Variants in UNC5C observed in about 807,000 individuals in gnomAD.
UNC5C encodes the protein netrin receptor UNC5C.
UNC5C carries 47 observed loss-of-function variants against 99.8 expected under a neutral mutation model. That is an observed-to-expected ratio of 0.47 (90% CI 0.37 to 0.60). The LOEUF (loss-of-function observed/expected upper bound fraction) is 0.60. Among genes scored for constraint, UNC5C ranks in the 20% least tolerant of loss-of-function variants. The probability of loss-of-function intolerance (pLI) is 0.00; values close to 1 mark genes in which losing one functional copy is unlikely to be tolerated. For missense variants in UNC5C, 1,062 were observed against 1,165.9 expected (o/e 0.91, Z 1.30); for synonymous variants, 487 against 452.2 (o/e 1.08, Z -0.98).
intron 13 of UNC5C, among the ~76,000 whole-genome samples, chr4:95,183,946 G>A (rs908302334): frequency 1.3e-5 from 2 of 152,062 alleles, no homozygotes; most frequent in Non-Finnish European, 2.9e-5. Flanking sequence ...TCCAGCAGAT[G>A]GTAAGCATTC....
intron 1 of UNC5C, among the ~76,000 whole-genome samples, chr4:95,466,996 C>G (rs78656424): frequency 0.018 from 2,803 of 152,098 alleles, 88 homozygotes; most frequent in African/African-American, 0.064. Context: ...ATCATTTGCT[C>G]CATGGAAGCC....
At chr4:95,387,379 A>G (rs899781126) in intron 1 of UNC5C, among the ~76,000 whole-genome samples, 1 of 152,108 alleles carries the variant, frequency 6.6e-6, no homozygotes, top group South Asian at 2.1e-4. Flanking sequence ...AGCTCAAGCT[A>G]TCTTCTCTCC....
intron 1 of UNC5C, among the ~76,000 whole-genome samples, chr4:95,435,768 G>A (rs1013214443): frequency 2.6e-5 from 4 of 151,948 alleles, no homozygotes; most frequent in Non-Finnish European, 5.9e-5. Context: ...AGCAAACTTA[G>A]GTCTCTTTCA....
chr4:95,292,777 A>G (rs6831808), intron 3 of UNC5C, among the ~76,000 whole-genome samples: 105,365 of 152,058 alleles, frequency 0.69, 36,727 homozygotes, highest in East Asian at 0.81. Flanking sequence ...TAGTATCTTC[A>G]CTTTTCCCCA....
At chr4:95,429,253 T>C (rs13130613) in intron 1 of UNC5C, among the ~76,000 whole-genome samples, 43,803 of 148,122 alleles carry the variant, frequency 0.3, 6,701 homozygotes, top group Middle Eastern at 0.36. Context: ...TTTCAGATCT[T>C]CCCTTTAAAT....
At chr4:95,261,629 T>C (rs771332554) in intron 4 of UNC5C, among the ~76,000 whole-genome samples, 1 of 152,054 alleles carries the variant, frequency 6.6e-6, no homozygotes, top group African/African-American at 2.4e-5. Context: ...TCCAGCACTA[T>C]GCAAAAATTT....
intron 1 of UNC5C, among the ~76,000 whole-genome samples, chr4:95,512,525 C>T (rs1722102852): frequency 1.3e-5 from 2 of 152,136 alleles, no homozygotes; most frequent in Non-Finnish European, 1.5e-5. Flanking sequence ...GAGGCCTTCA[C>T]CTTTCATTCT....
intron 2 of UNC5C, among the ~76,000 whole-genome samples, chr4:95,307,215 A>G (rs755346138): frequency 2.6e-5 from 4 of 152,104 alleles, no homozygotes; most frequent in Non-Finnish European, 5.9e-5. Flanking sequence ...CATTGTATAC[A>G]CAAAATTTAC....
chr4:95,423,494 A>G (rs927745811), intron 1 of UNC5C, among the ~76,000 whole-genome samples: 1 of 152,236 alleles, frequency 6.6e-6, no homozygotes, highest in Non-Finnish European at 1.5e-5. Context: ...GGATCACTAC[A>G]AGATCTGAAA....
chr4:95,199,173 C>T (rs1213387134), intron 12 of UNC5C, among the ~76,000 whole-genome samples: 2 of 152,004 alleles, frequency 1.3e-5, no homozygotes, highest in African/African-American at 4.8e-5. Flanking sequence ...TTCTGGGCAA[C>T]AGTGGTTAGA....
chr4:95,172,963 G>T (rs944312485), intron 14 of UNC5C, among the ~76,000 whole-genome samples: 134 of 151,096 alleles, frequency 8.9e-4, no homozygotes, highest in African/African-American at 3.0e-3. Context: ...CATGTCCCTC[G>T]TAAGTTGGAT....
chr4:95,357,289 A>G (rs1335593957), intron 1 of UNC5C, among the ~76,000 whole-genome samples: 2 of 151,954 alleles, frequency 1.3e-5, no homozygotes, highest in Admixed American at 1.3e-4. Context: ...GGCATGTGCC[A>G]CTGCACCCAG....
intron 1 of UNC5C, among the ~76,000 whole-genome samples, chr4:95,343,611 T>C (rs973627080): frequency 6.6e-6 from 1 of 151,938 alleles, no homozygotes; most frequent in Non-Finnish European, 1.5e-5. Context: ...CACTGGCCAA[T>C]GCTGGAGAGA....
intron 7 of UNC5C, among the ~76,000 whole-genome samples, chr4:95,230,147 G>C (rs1376463950): frequency 6.6e-6 from 1 of 152,024 alleles, no homozygotes; most frequent in African/African-American, 2.4e-5. Context: ...ATTCTAACTG[G>C]TGTGAGATGG....
chr4:95,208,136 A>G (rs1193691399), intron 10 of UNC5C, among the ~76,000 whole-genome samples: 1 of 152,188 alleles, frequency 6.6e-6, no homozygotes, highest in East Asian at 1.9e-4. Flanking sequence ...CTCAACACTC[A>G]AATAGTATGA....
chr4:95,339,425 G>A (rs1165012670), intron 1 of UNC5C, among the ~76,000 whole-genome samples: 1 of 151,968 alleles, frequency 6.6e-6, no homozygotes, highest in East Asian at 1.9e-4. Context: ...ACTGAGATCA[G>A]TACCTTCAAT....
At chr4:95,278,565 C>A (rs1740945129) in intron 3 of UNC5C, among the ~76,000 whole-genome samples, 1 of 151,466 alleles carries the variant, frequency 6.6e-6, no homozygotes, top group Non-Finnish European at 1.5e-5. Flanking sequence ...GTTTTGAACT[C>A]CTGGGCTCAA....
intron 12 of UNC5C, among the ~76,000 whole-genome samples, chr4:95,190,104 A>G (rs1553951146): frequency 2.0e-5 from 3 of 152,354 alleles, no homozygotes; most frequent in Non-Finnish European, 2.9e-5. Flanking sequence ...ATGCCCATCA[A>G]TGATAGACTG....
At chr4:95,326,760 T>G (rs1742898896) in intron 2 of UNC5C, among the ~76,000 whole-genome samples, 1 of 152,180 alleles carries the variant, frequency 6.6e-6, no homozygotes, top group Non-Finnish European at 1.5e-5. Context: ...TGCTTCCTAT[T>G]TAATGATTTC....
Sources: allele counts gnomAD v4.1 joint callset (sites outside exome capture counted in the v4.1 genomes callset), GRCh38; gene constraint gnomAD v4.1.1; transcripts MANE v1.5; gene names NCBI Gene and HGNC (gene_info 2026-07-23, HGNC 2026-07-21).